Variants in IPO11 observed in about 807,000 individuals in gnomAD.
IPO11 encodes the protein importin-11.
A neutral mutation model predicts 143.2 loss-of-function variants in IPO11; 66 were observed. That is an observed-to-expected ratio of 0.46 (90% CI 0.38 to 0.57). The LOEUF (loss-of-function observed/expected upper bound fraction) is 0.57. Among genes scored for constraint, IPO11 ranks in the 20% least tolerant of loss-of-function variants. The pLI is 0.00. For synonymous variants in IPO11, 385 were observed against 377.8 expected (o/e 1.02, Z -0.22); for missense variants, 1,026 against 1,141.0 (o/e 0.90, Z 1.45).
At chr5:62,494,576 G>A (rs930720920) in intron 16 of IPO11, among the ~76,000 whole-genome samples, 2 of 151,746 alleles carry the variant, frequency 1.3e-5, no homozygotes, top group African/African-American at 2.4e-5. Flanking sequence ...ATATATTATT[G>A]TTGATTTTGT....
At chr5:62,496,144 T>C (rs563425597) in intron 16 of IPO11, among the ~76,000 whole-genome samples, 1 of 152,068 alleles carries the variant, frequency 6.6e-6, no homozygotes, top group East Asian at 1.9e-4. Flanking sequence ...AAAAATTAGC[T>C]GGGCATGGTG....
At chr5:62,566,643 C>T (rs891406806) in intron 27 of IPO11, among the ~76,000 whole-genome samples, 7 of 150,762 alleles carry the variant, frequency 4.6e-5, no homozygotes, top group African/African-American at 1.7e-4. Context: ...GAGGCTGAGG[C>T]TTAAGAATCA....
intron 5 of IPO11, among the ~76,000 whole-genome samples, chr5:62,460,215 A>G (rs1458505238): frequency 6.6e-6 from 1 of 152,220 alleles, no homozygotes. Context: ...TCTCAAACAC[A>G]TTTTTACAAG....
chr5:62,447,559 T>A (rs1744761335), intron 3 of IPO11, among the ~76,000 whole-genome samples: 1 of 152,048 alleles, frequency 6.6e-6, no homozygotes, highest in African/African-American at 2.4e-5. Flanking sequence ...TCTTTCTCCA[T>A]TGCATTATGA....
chr5:62,471,085 C>A (rs1183688491), intron 7 of IPO11, among the ~76,000 whole-genome samples: 1 of 151,212 alleles, frequency 6.6e-6, no homozygotes, highest in East Asian at 1.9e-4. Context: ...TTTTTGGCTT[C>A]CGAAAGTGCT....
At chr5:62,540,707 GGAT>G (rs1295609384) in intron 24 of IPO11, among the ~76,000 whole-genome samples, 2 of 152,158 alleles carry the variant, frequency 1.3e-5, no homozygotes, top group Non-Finnish European at 2.9e-5. Flanking sequence ...TGTAACATGG[GGAT>G]GATAACTTTA....
At chr5:62,433,894 A>G (rs950815343) in intron 1 of IPO11, among the ~76,000 whole-genome samples, 6 of 151,522 alleles carry the variant, frequency 4.0e-5, no homozygotes, top group African/African-American at 1.5e-4. Context: ...TGTGACTTTT[A>G]TCTTTATTTC....
chr5:62,589,389 T>C (rs1447061926), intron 27 of IPO11, among the ~76,000 whole-genome samples: 1 of 152,130 alleles, frequency 6.6e-6, no homozygotes, highest in Non-Finnish European at 1.5e-5. Flanking sequence ...ATGTCTTTGC[T>C]CTCTTTGTAT....
intron 20 of IPO11, 144 bp from the exon 21 acceptor site, chr5:62,525,998 G>T (rs1742358471): frequency 3.2e-6 from 2 of 622,486 alleles, no homozygotes; most frequent in African/African-American, 1.9e-5. Context: ...ACTTTGTTTT[G>T]CTATTACTTG....
At chr5:62,537,314 ATATT>A (rs1431527840) in intron 24 of IPO11, 25 bp downstream of exon 24, 5 of 1,342,868 alleles carry the variant, frequency 3.7e-6, no homozygotes, top group South Asian at 1.2e-5. Flanking sequence ...TTAAATGAAT[ATATT>A]TATGAATTTT....
At chr5:62,558,953 T>C (rs890236856) in intron 26 of IPO11, among the ~76,000 whole-genome samples, 3 of 152,232 alleles carry the variant, frequency 2.0e-5, no homozygotes, top group Admixed American at 6.5e-5. Context: ...CATATAGTTA[T>C]AATTACACTA....
intron 26 of IPO11, 65 bp from the exon 27 acceptor site, chr5:62,561,071 A>T: frequency 7.0e-7 from 1 of 1,425,058 alleles, no homozygotes; most frequent in Non-Finnish European, 9.5e-7. Context: ...TTAGCCTTTA[A>T]AAGTATTTAC....
chr5:62,462,485 GA>G (rs533067310), intron 5 of IPO11, among the ~76,000 whole-genome samples: 379 of 137,674 alleles, frequency 2.8e-3, no homozygotes, highest in South Asian at 0.012. Context: ...AGCAATGCCT[GA>G]AAAAAAAAAA....
intron 2 of IPO11, among the ~76,000 whole-genome samples, chr5:62,441,496 CTTTTTTTTTTTTTTTTTT>C (rs995019567): frequency 1.3e-4 from 6 of 47,338 alleles, no homozygotes; most frequent in Non-Finnish European, 2.2e-4. Context: ...TGTGCCTGGC[CTTTTTTTTTTTTTTTTTT>C]TTTTTTTTTT....
At chr5:62,564,410 A>G (rs1485519409) in intron 27 of IPO11, among the ~76,000 whole-genome samples, 1 of 152,158 alleles carries the variant, frequency 6.6e-6, no homozygotes. Context: ...TTATTTTTCT[A>G]CATACTAGTA....
At chr5:62,586,737 G>T (rs1744786375) in intron 27 of IPO11, among the ~76,000 whole-genome samples, 1 of 88,384 alleles carries the variant, frequency 1.1e-5, no homozygotes, top group South Asian at 4.2e-4. Flanking sequence ...GGCAACAAGA[G>T]CAAAACTCAG....
At position 62,606,061 on chromosome 5, in the gene IPO11, T is replaced by A. The variant is rs1160701368; in HGVS notation, c.2763+4213T>A. 2.0e-5 allele frequency among the ~76,000 whole-genome samples: 3 copies of A among 152,140 alleles called. No individual in the cohort carries two copies. In the East Asian group the frequency reaches 5.8e-4, roughly 29 times the overall value. On this transcript the variant is annotated intron_variant, in intron 29 of 29. Coordinates refer to ENST00000325324, the MANE Select transcript of IPO11 (RefSeq NM_016338.5). ...TTTCATATTATTACTTGGTTTTTTT[T>A]AAATGGGCAAATGAAAACTGTATGT...
intron 5 of IPO11, among the ~76,000 whole-genome samples, chr5:62,466,379 A>G (rs1745576746): frequency 6.6e-6 from 1 of 152,244 alleles, no homozygotes; most frequent in African/African-American, 2.4e-5. Flanking sequence ...AATAGCATTT[A>G]ATTAGTCAAC....
chr5:62,537,469 C>G (rs1447166700), intron 24 of IPO11, among the ~76,000 whole-genome samples, 180 bp downstream of exon 24: 2 of 152,058 alleles, frequency 1.3e-5, no homozygotes, highest in African/African-American at 2.4e-5. Flanking sequence ...TCTGAAGGTG[C>G]ATACACCTTC....
Sources: allele counts gnomAD v4.1 joint callset (sites outside exome capture counted in the v4.1 genomes callset), GRCh38; gene constraint gnomAD v4.1.1; transcripts MANE v1.5; gene names NCBI Gene and HGNC (gene_info 2026-07-23, HGNC 2026-07-21).